ADD1: variants seen among roughly 807,000 people sequenced by gnomAD.
ADD1 encodes the protein alpha-adducin.
ADD1 carries 24 observed loss-of-function variants against 80.5 expected under a neutral mutation model. The observed-to-expected ratio is 0.30, with a 90% CI of 0.22 to 0.42. ADD1 has a LOEUF of 0.42. ADD1 is among the 10% of genes least tolerant of loss of function. The pLI is 1.00. For synonymous variants in ADD1, 373 were observed against 393.8 expected, an observed-to-expected ratio of 0.95 and a Z score of 0.63; for missense variants, 948 against 1,019.0, an observed-to-expected ratio of 0.93 and a Z score of 0.95.
chr4:2,893,551 T>G lies in ADD1; in HGVS notation c.511-462T>G, dbSNP rs191872071. Among the ~76,000 whole-genome samples the G allele has an allele frequency of 5.6e-3, 851 of 151,524 alleles. 6 individuals carry two copies. The highest frequency in any genetic ancestry group is 8.8e-3 in the Non-Finnish European group (597 of 67,872). ...TCATTTGAGCCTGGGAGGCAGAAGT[T>G]GCAGTGAGCCATGATCACGCCACTG... is the stretch of plus-strand genomic sequence containing the variant. On this transcript the variant is annotated intron_variant, in intron 4 of 15. Coordinates refer to ENST00000683351, the MANE Select transcript of ADD1 (RefSeq NM_001354761.2).
chr4:2,885,950 C>T (rs1733295604), intron 4 of ADD1, among the ~76,000 whole-genome samples: 1 of 152,174 alleles, frequency 6.6e-6, no homozygotes, highest in South Asian at 2.1e-4. Context: ...TGCCAGGGTT[C>T]TTCTGTTCCT....
intron 14 of ADD1, among the ~76,000 whole-genome samples, chr4:2,922,020 A>C (rs1015422794): frequency 1.3e-5 from 2 of 151,694 alleles, no homozygotes; most frequent in Non-Finnish European, 2.9e-5. Flanking sequence ...TGGTTATTCT[A>C]GTTGGCAATT....
In ADD1 at chr4:2,907,859, G is replaced by A. The variant is rs907325663; in HGVS notation, c.1608+15G>A. On this transcript the variant is annotated intron_variant, in intron 11 of 15. Coordinates refer to ENST00000683351, the MANE Select transcript of ADD1 (RefSeq NM_001354761.2). ...TGAGGAACAAGGTGCGTCCTGCGTC[G>A]GCACTCAGCGGGGGCTTGGGTGTGG... is the stretch of plus-strand genomic sequence containing the variant. The A allele has an allele frequency of 8.7e-6, 14 of 1,604,206 alleles. No homozygotes were observed. The highest frequency in any genetic ancestry group is 6.7e-5 in the African/African-American group (5 of 74,686).
intron 15 of ADD1, 96 bp from the exon 16 acceptor site, chr4:2,928,075 A>G: frequency 1.8e-6 from 2 of 1,082,544 alleles, no homozygotes; most frequent in African/African-American, 3.2e-5. Context: ...AGAGTAAAAT[A>G]AAATGGCAGT....
chr4:2,864,016 G>A (rs575126515), intron 1 of ADD1, among the ~76,000 whole-genome samples: 8 of 152,330 alleles, frequency 5.3e-5, no homozygotes, highest in Admixed American at 5.2e-4. Context: ...AGAGAGTTTG[G>A]TTAACTTACT....
At chr4:2,915,281 G>A (rs748355231) in intron 14 of ADD1, among the ~76,000 whole-genome samples, 16 of 152,192 alleles carry the variant, frequency 1.1e-4, no homozygotes, top group Non-Finnish European at 2.1e-4. Flanking sequence ...CAAGGAGGGC[G>A]GATGACCTGA....
At chr4:2,928,047 G>A in intron 15 of ADD1, 124 bp from the exon 16 acceptor site, 1 of 845,132 alleles carries the variant, frequency 1.2e-6, no homozygotes, top group Non-Finnish European at 1.9e-6. Context: ...TAAGTTTCTT[G>A]TCTTGGTAAA....
At chr4:2,865,967 G>T (rs1016476390) in intron 1 of ADD1, among the ~76,000 whole-genome samples, 2 of 152,142 alleles carry the variant, frequency 1.3e-5, no homozygotes, top group African/African-American at 4.8e-5. Context: ...CAGAATATGT[G>T]AATTAGTATA....
At chr4:2,855,918 C>T (rs1727987348) in intron 1 of ADD1, among the ~76,000 whole-genome samples, 1 of 151,828 alleles carries the variant, frequency 6.6e-6, no homozygotes, top group Non-Finnish European at 1.5e-5. Context: ...GTAGGCTAGT[C>T]TCAAACTCTG....
chr4:2,866,900 A>G (rs1729635868), intron 1 of ADD1, among the ~76,000 whole-genome samples: 3 of 152,094 alleles, frequency 2.0e-5, no homozygotes, highest in Non-Finnish European at 2.9e-5. Context: ...GTGAAACCCC[A>G]TCTCTACAAA....
chr4:2,846,242 T>C (rs1208895906), intron 1 of ADD1, among the ~76,000 whole-genome samples: 1 of 152,238 alleles, frequency 6.6e-6, no homozygotes, highest in Non-Finnish European at 1.5e-5. Flanking sequence ...TATTTAGTTT[T>C]CTCTTGTAAT....
intron 14 of ADD1, among the ~76,000 whole-genome samples, chr4:2,915,944 C>T (rs1738954275): frequency 6.6e-6 from 1 of 152,094 alleles, no homozygotes; most frequent in African/African-American, 2.4e-5. Flanking sequence ...CACACCGGGG[C>T]CCCTCTGCCA....
At chr4:2,885,863 G>A (rs1269242168) in intron 4 of ADD1, among the ~76,000 whole-genome samples, 1 of 152,132 alleles carries the variant, frequency 6.6e-6, no homozygotes, top group Non-Finnish European at 1.5e-5. Context: ...GCCCGCCTTG[G>A]CCTCCCAAAG....
chr4:2,926,119 T>C lies in ADD1; in HGVS notation c.2047+7T>C, dbSNP rs1711549334. 8 of 1,612,760 alleles carry C rather than the reference T, an allele frequency of 5.0e-6. No homozygotes were observed. Among genetic ancestry groups the C allele is most frequent in the Middle Eastern group, 3.3e-4 (2 of 6,056 alleles). On this transcript the variant is annotated splice_region_variant and intron_variant, in intron 15 of 15. Transcript: ENST00000683351. The surrounding 1 kb of genome is among the most constrained non-coding windows in gnomAD (Gnocchi z 5.0). ...CCCATCAAGCTGGAGGAAGGTGAGC[T>C]CTGGGTGGCAGCGGCCGCCACTGTG...
intron 13 of ADD1, among the ~76,000 whole-genome samples, chr4:2,911,448 A>ATATATATATATT (rs553567632): frequency 2.3e-5 from 3 of 130,520 alleles, no homozygotes; most frequent in African/African-American, 8.9e-5. Flanking sequence ...ATATATATAT[A>ATATATATATATT]TTTTTTTTTT....
intron 5 of ADD1, 72 bp from the exon 6 acceptor site, chr4:2,894,508 CAA>C (rs898922221): frequency 0.012 from 12,976 of 1,065,368 alleles, no homozygotes; most frequent in Admixed American, 0.015. Flanking sequence ...CAGACCCTAT[CAA>C]AAAAAAAAAA....
intron 4 of ADD1, among the ~76,000 whole-genome samples, chr4:2,890,766 T>G (rs1375488357): frequency 6.6e-6 from 1 of 152,196 alleles, no homozygotes; most frequent in Non-Finnish European, 1.5e-5. Context: ...TGATTTATTA[T>G]TATACTTACA....
At chr4:2,924,738 G>A (rs1167824240) in intron 14 of ADD1, among the ~76,000 whole-genome samples, 2 of 152,192 alleles carry the variant, frequency 1.3e-5, no homozygotes, top group African/African-American at 4.8e-5. Context: ...ACACACACCA[G>A]GCCCTGCTGC....
intron 2 of ADD1, among the ~76,000 whole-genome samples, chr4:2,878,149 G>GA (rs1731660381): frequency 6.6e-6 from 1 of 152,214 alleles, no homozygotes; most frequent in Admixed American, 6.5e-5. Flanking sequence ...TGCTGAGATT[G>GA]AGAGTTTCCA....
Sources: gnomAD v4.1 joint callset for allele counts (sites outside exome capture counted in the v4.1 genomes callset) on GRCh38, gnomAD v4.1.1 for gene constraint, Gnocchi (gnomAD v3.1) non-coding constraint, MANE v1.5 for transcripts, NCBI Gene and HGNC (gene_info 2026-07-23, HGNC 2026-07-21) for gene names.